PLXNA4: variants seen among roughly 807,000 people sequenced by gnomAD.
The protein encoded by PLXNA4 is plexin-A4.
Under a neutral mutation model 191.8 loss-of-function variants are expected in PLXNA4, and 44 were observed. The observed-to-expected ratio is 0.23, with a 90% CI of 0.18 to 0.29. The LOEUF is 0.29. PLXNA4 is among the 10% of genes least tolerant of loss of function. PLXNA4 has a pLI of 1.00. For synonymous variants in PLXNA4, 1,082 were observed against 1,009.5 expected (o/e 1.07, Z -1.36); for missense variants, 1,800 against 2,488.8 (o/e 0.72, Z 5.89).
At chr7:132,272,691 C>T (rs189386065) in intron 4 of PLXNA4, among the ~76,000 whole-genome samples, 2 of 152,300 alleles carry the variant, frequency 1.3e-5, no homozygotes, top group Non-Finnish European at 2.9e-5. Flanking sequence ...TAACTTATGT[C>T]CCAGCAACAT....
intron 3 of PLXNA4, among the ~76,000 whole-genome samples, chr7:132,370,496 T>G (rs2116895356): frequency 6.6e-6 from 1 of 152,340 alleles, no homozygotes; most frequent in Non-Finnish European, 1.5e-5. Context: ...CAAACAACTT[T>G]TATAAAATTA....
chr7:132,508,502 G>A lies in PLXNA4; in HGVS notation c.192C>T (p.Tyr64=), dbSNP rs935480320. Residue 64 remains tyrosine (Y), a synonymous_variant, in exon 2 of 32, where the codon TAC becomes TAT. Coordinates refer to ENST00000321063, the MANE Select transcript of PLXNA4 (RefSeq NM_020911.2). This position sits in a 1 kb window ranked among gnomAD's most constrained non-coding sequence, Gnocchi z 4.4. ...TGTAAATCCGATTGACGGCCCCCAA[G>A]TAAATGTGTCCTGTCCTCTCATCCA... ...LVVDERTGHI[Y]LGAVNRIYKL... is the part of the protein sequence containing the mutation. 12 of 1,614,194 alleles carry A rather than the reference G, an allele frequency of 7.4e-6. No homozygotes were observed. The highest frequency in any genetic ancestry group is 8.5e-6 in the Non-Finnish European group (10 of 1,180,030).
intron 1 of PLXNA4, among the ~76,000 whole-genome samples, chr7:132,526,024 G>C (rs1799387254): frequency 6.6e-6 from 1 of 152,220 alleles, no homozygotes; most frequent in African/African-American, 2.4e-5. Flanking sequence ...ATGCTGGCAT[G>C]TTGGTTTCCA....
intron 3 of PLXNA4, among the ~76,000 whole-genome samples, chr7:132,394,878 G>C (rs1793685730): frequency 6.6e-6 from 1 of 152,234 alleles, no homozygotes; most frequent in East Asian, 1.9e-4. Context: ...TGCTTCGCCA[G>C]AATTCTCTGA....
rs149970279 is a variant in PLXNA4, at chr7:132,326,527, C to T, written c.1372-28305G>A. 4.6e-5 allele frequency among the ~76,000 whole-genome samples: 7 copies of T among 152,148 alleles called. No homozygotes were observed. In the Middle Eastern group the frequency reaches 0.01, roughly 222 times the overall value. ...CCCCTGCTCATTTCCCGTCCTTCCC[C>T]TTGCCTTCCCACTGTGCCTCCTCTG... On this transcript the variant is annotated intron_variant, in intron 3 of 31. Coordinates refer to ENST00000321063, the MANE Select transcript of PLXNA4 (RefSeq NM_020911.2).
chr7:132,284,153 G>T (rs1584943954), intron 4 of PLXNA4, among the ~76,000 whole-genome samples: 1 of 152,292 alleles, frequency 6.6e-6, no homozygotes, highest in South Asian at 2.1e-4. Context: ...AGCCTGGGTG[G>T]CAGAGTGAGA....
At chr7:132,237,973 T>C (rs1798758581) in intron 5 of PLXNA4, among the ~76,000 whole-genome samples, 4 of 152,212 alleles carry the variant, frequency 2.6e-5, no homozygotes, top group Admixed American at 1.3e-4. Flanking sequence ...TCTCGCTCTA[T>C]GAACAAGTGT....
At chr7:132,151,797 A>G (rs1372659116) in intron 25 of PLXNA4, among the ~76,000 whole-genome samples, 1 of 152,142 alleles carries the variant, frequency 6.6e-6, no homozygotes, top group Non-Finnish European at 1.5e-5. Context: ...CAAGAAGCCT[A>G]CCCAGCTGAA....
Position 132,412,506 on chromosome 7 carries a change from G to A in PLXNA4, c.1371+76786C>T, listed in dbSNP as rs535716987. 2.6e-5 allele frequency among the ~76,000 whole-genome samples: 4 copies of A among 152,336 alleles called. No homozygotes were observed. The South Asian group carries it at 8.3e-4, about 32-fold the overall frequency. On this transcript the variant is annotated intron_variant, in intron 3 of 31. Coordinates refer to ENST00000321063, the MANE Select transcript of PLXNA4 (RefSeq NM_020911.2). ...GAAGGAAGGGAACAGCATCTCGTGA[G>A]CTGACAACGAAATCCTGTATAAATA...
chr7:132,295,232 G>A (rs1801033673), intron 4 of PLXNA4, among the ~76,000 whole-genome samples: 1 of 152,182 alleles, frequency 6.6e-6, no homozygotes, highest in Admixed American at 6.5e-5. Context: ...GGCTGGCAAG[G>A]CATCGGATGC....
At chr7:132,330,531 C>T (rs1289988981) in intron 3 of PLXNA4, among the ~76,000 whole-genome samples, 4 of 152,152 alleles carry the variant, frequency 2.6e-5, no homozygotes, top group African/African-American at 7.2e-5. Flanking sequence ...ACTTCTTTAC[C>T]GCACACTTTA....
chr7:132,160,155 C>T (rs1795906276), intron 24 of PLXNA4, among the ~76,000 whole-genome samples: 1 of 152,176 alleles, frequency 6.6e-6, no homozygotes, highest in South Asian at 2.1e-4. Context: ...GCTTCTTTCT[C>T]CAAATATTTC....
intron 30 of PLXNA4, among the ~76,000 whole-genome samples, chr7:132,139,371 T>C (rs1795201863): frequency 3.3e-5 from 5 of 152,176 alleles, no homozygotes; most frequent in Admixed American, 3.3e-4. Context: ...ATAGGCAAAA[T>C]GATAAAGTTC....
intron 1 of PLXNA4, among the ~76,000 whole-genome samples, chr7:132,558,628 T>C (rs1800899992): frequency 6.6e-6 from 1 of 152,212 alleles, no homozygotes. Context: ...CAATTGGGCC[T>C]GGGTTTAGCA....
intron 4 of PLXNA4, among the ~76,000 whole-genome samples, chr7:132,279,052 T>C (rs1489342052): frequency 6.6e-6 from 1 of 152,162 alleles, no homozygotes; most frequent in Non-Finnish European, 1.5e-5. Flanking sequence ...CCAGAGGGTA[T>C]AGAGCTTGTC....
chr7:132,282,995 G>GC (rs59094925), intron 4 of PLXNA4, among the ~76,000 whole-genome samples: 5,622 of 151,344 alleles, frequency 0.037, 350 homozygotes, highest in African/African-American at 0.13. Context: ...TCCCACCTCA[G>GC]CCCCCCCCAA....
intron 25 of PLXNA4, among the ~76,000 whole-genome samples, chr7:132,153,618 G>A (rs1487810940): frequency 6.6e-6 from 1 of 152,102 alleles, no homozygotes; most frequent in Non-Finnish European, 1.5e-5. Context: ...TTGGCAGTGG[G>A]AAGCTGAGGC....
intron 3 of PLXNA4, among the ~76,000 whole-genome samples, chr7:132,449,813 T>A (rs989274733): frequency 3.9e-5 from 6 of 152,228 alleles, no homozygotes; most frequent in Non-Finnish European, 7.3e-5. Flanking sequence ...TCCAGACTAC[T>A]TCCACCCTAA....
intron 2 of PLXNA4, among the ~76,000 whole-genome samples, chr7:132,491,883 AGAAAG>A (rs1797821399): frequency 6.6e-6 from 1 of 152,174 alleles, no homozygotes; most frequent in Non-Finnish European, 1.5e-5. Context: ...GAGGAGTAGA[AGAAAG>A]GAAGGACAAA....
Sources: allele counts gnomAD v4.1 joint callset (sites outside exome capture counted in the v4.1 genomes callset), GRCh38; gene constraint gnomAD v4.1.1; non-coding constraint Gnocchi (gnomAD v3.1); transcripts MANE v1.5; gene names NCBI Gene and HGNC (gene_info 2026-07-23, HGNC 2026-07-21).